SMARCC1: variants seen among roughly 807,000 people sequenced by gnomAD.
SMARCC1 encodes the protein SWI/SNF related BAF chromatin remodeling complex subunit C1.
A neutral mutation model predicts 147.4 loss-of-function variants in SMARCC1; 43 were observed. That is an observed-to-expected ratio of 0.29 (90% CI 0.23 to 0.38). The LOEUF (loss-of-function observed/expected upper bound fraction) is 0.38. Ranked by LOEUF, SMARCC1 falls within the 10% of genes least tolerant of loss-of-function variation. The pLI, the probability that SMARCC1 is intolerant of heterozygous loss-of-function variation, is 1.00. For synonymous variants in SMARCC1, 495 were observed against 484.4 expected, an observed-to-expected ratio of 1.02 and a Z score of -0.29; for missense variants, 1,119 against 1,381.1, an observed-to-expected ratio of 0.81 and a Z score of 3.01.
At chr3:47,644,923 T>G (rs1463254006) in intron 21 of SMARCC1, among the ~76,000 whole-genome samples, 3 of 152,164 alleles carry the variant, frequency 2.0e-5, no homozygotes, top group Non-Finnish European at 4.4e-5. Flanking sequence ...TGTATCATCC[T>G]CTTGGTATTC....
chr3:47,622,737 G>A (rs951006246), intron 24 of SMARCC1, among the ~76,000 whole-genome samples: 7 of 152,174 alleles, frequency 4.6e-5, no homozygotes, highest in African/African-American at 1.7e-4. Flanking sequence ...GCAGGCTGCT[G>A]AGGACAGCAC....
intron 16 of SMARCC1, 89 bp downstream of exon 16, chr3:47,678,109 A>T (rs1207676722): frequency 1.6e-6 from 1 of 631,020 alleles, no homozygotes; most frequent in Non-Finnish European, 2.7e-6. Context: ...TACCCAGTTG[A>T]AACAACCAGT....
chr3:47,738,008 T>C (rs2034464990), intron 4 of SMARCC1, 21 bp downstream of exon 4: 2 of 1,544,400 alleles, frequency 1.3e-6, no homozygotes, highest in East Asian at 4.5e-5. Flanking sequence ...ACTTTTTAAA[T>C]AACCTAAGTT....
intron 14 of SMARCC1, among the ~76,000 whole-genome samples, chr3:47,682,593 CT>C (rs1324274924): frequency 6.6e-6 from 1 of 152,166 alleles, no homozygotes; most frequent in Non-Finnish European, 1.5e-5. Context: ...ATGCCGGTTT[CT>C]CATGTGTGTC....
At chr3:47,726,019 G>A (rs1472224404) in intron 6 of SMARCC1, among the ~76,000 whole-genome samples, 2 of 125,342 alleles carry the variant, frequency 1.6e-5, no homozygotes, top group Non-Finnish European at 3.2e-5. Flanking sequence ...CCAAGATCAC[G>A]CCACTGCACT....
At chr3:47,719,925 T>C (rs2034208595) in intron 7 of SMARCC1, among the ~76,000 whole-genome samples, 2 of 151,838 alleles carry the variant, frequency 1.3e-5, no homozygotes, top group South Asian at 4.2e-4. Flanking sequence ...TTAGTAGAGA[T>C]GGAGTTTCAC....
intron 16 of SMARCC1, 129 bp downstream of exon 16, chr3:47,678,069 C>T (rs910620216): frequency 2.2e-6 from 1 of 453,344 alleles, no homozygotes; most frequent in Non-Finnish European, 4.0e-6. Context: ...ATAATCAACC[C>T]CTAAATGGCA....
intron 8 of SMARCC1, among the ~76,000 whole-genome samples, chr3:47,712,663 C>A (rs1285116150): frequency 6.6e-6 from 1 of 152,156 alleles, no homozygotes; most frequent in Non-Finnish European, 1.5e-5. Flanking sequence ...TTTTAGTAAG[C>A]TGACTATTTA....
intron 7 of SMARCC1, among the ~76,000 whole-genome samples, chr3:47,717,432 C>G (rs919641529): frequency 1.3e-5 from 2 of 152,152 alleles, no homozygotes. Flanking sequence ...AGAGGAAGAA[C>G]CTATAAAACT....
chr3:47,636,617 G>C (rs1018831881), intron 22 of SMARCC1, among the ~76,000 whole-genome samples: 1 of 152,098 alleles, frequency 6.6e-6, no homozygotes, highest in African/African-American at 2.4e-5. Flanking sequence ...GCCGGGCATG[G>C]TGATGGGAAC....
chr3:47,616,517 C>T (rs2032648238), intron 25 of SMARCC1, among the ~76,000 whole-genome samples: 1 of 152,058 alleles, frequency 6.6e-6, no homozygotes, highest in South Asian at 2.1e-4. Context: ...ATGATCTCTG[C>T]ACGCTGCAAC....
intron 5 of SMARCC1, among the ~76,000 whole-genome samples, chr3:47,730,681 C>T (rs939722322): frequency 2.6e-5 from 4 of 151,924 alleles, no homozygotes; most frequent in Non-Finnish European, 4.4e-5. Context: ...GCCTAGCCAA[C>T]GTGGTGAAAC....
intron 25 of SMARCC1, among the ~76,000 whole-genome samples, chr3:47,611,109 ATTAAT>A (rs978725460): frequency 6.6e-6 from 1 of 152,274 alleles, no homozygotes; most frequent in African/African-American, 2.4e-5. Context: ...CCTATCCTAA[ATTAAT>A]TTAATTCAGG....
chr3:47,626,216 G>A (rs1465854956), intron 24 of SMARCC1, among the ~76,000 whole-genome samples: 10 of 151,526 alleles, frequency 6.6e-5, no homozygotes, highest in Middle Eastern at 3.4e-3. Context: ...GCATGATCTC[G>A]GCTCACTGTA....
chr3:47,764,047 G>C (rs1364616814), intron 2 of SMARCC1, among the ~76,000 whole-genome samples: 1 of 151,916 alleles, frequency 6.6e-6, no homozygotes, highest in Non-Finnish European at 1.5e-5. Context: ...AAAAGAGAAA[G>C]AGATATTGAT....
chr3:47,775,164 CTTT>C (rs756039956), intron 1 of SMARCC1, among the ~76,000 whole-genome samples: 2 of 138,726 alleles, frequency 1.4e-5, no homozygotes. Flanking sequence ...CAACATAGTA[CTTT>C]TTTTTTTTTT....
intron 19 of SMARCC1, among the ~76,000 whole-genome samples, chr3:47,669,429 G>A (rs562622151): frequency 6.6e-6 from 1 of 152,212 alleles, no homozygotes; most frequent in Non-Finnish European, 1.5e-5. Context: ...TGTGTTTATA[G>A]TCACCCACAA....
chr3:47,633,119 C>T (rs767971699), intron 24 of SMARCC1, among the ~76,000 whole-genome samples: 2 of 152,030 alleles, frequency 1.3e-5, no homozygotes, highest in African/African-American at 2.4e-5. Context: ...CATAGGTGGG[C>T]CCAGTTTGTC....
chr3:47,742,536 T>C (rs1250598847), intron 3 of SMARCC1, among the ~76,000 whole-genome samples: 4 of 152,206 alleles, frequency 2.6e-5, no homozygotes, highest in African/African-American at 9.6e-5. Flanking sequence ...TCATTGATTT[T>C]ACCTATTTAG....
Sources: allele counts gnomAD v4.1 joint callset (sites outside exome capture counted in the v4.1 genomes callset), GRCh38; gene constraint gnomAD v4.1.1; transcripts MANE v1.5; gene names NCBI Gene and HGNC (gene_info 2026-07-23, HGNC 2026-07-21).